TOLLIP: variants seen among roughly 807,000 people sequenced by gnomAD.
TOLLIP encodes the protein toll-interacting protein.
TOLLIP carries 16 observed loss-of-function variants against 33.5 expected under a neutral mutation model. The observed-to-expected ratio is 0.48, with a 90% CI of 0.32 to 0.72. The LOEUF (loss-of-function observed/expected upper bound fraction) is 0.72. Among genes scored for constraint, TOLLIP ranks in the 30% least tolerant of loss-of-function variants. The probability of loss-of-function intolerance (pLI) is 0.03; values close to 1 mark genes in which losing one functional copy is unlikely to be tolerated. For synonymous variants in TOLLIP, 176 were observed against 163.7 expected (o/e 1.07, Z -0.57); for missense variants, 325 against 396.6 (o/e 0.82, Z 1.53).
At chr11:1,301,036 C>G (rs765487474) in intron 1 of TOLLIP, among the ~76,000 whole-genome samples, 2 of 152,254 alleles carry the variant, frequency 1.3e-5, no homozygotes, top group Non-Finnish European at 2.9e-5. Context: ...GTTAGCATAA[C>G]TAAGTCGAAC....
Position 1,290,637 on chromosome 11 carries a change from G to A in TOLLIP, c.184-228C>T, listed in dbSNP as rs1031172101. Among the ~76,000 whole-genome samples the A allele has an allele frequency of 1.3e-5, 2 of 152,130 alleles. No individual in the cohort carries two copies. The highest frequency in any genetic ancestry group is 1.9e-4 in the East Asian group (1 of 5,196). On this transcript the variant is annotated intron_variant, in intron 2 of 5. Transcript: ENST00000317204. The surrounding 1 kb of genome is among the most constrained non-coding windows in gnomAD (Gnocchi z 4.9). ...AGTTCTGAGACAAAGCACGTGGCTC[G>A]TCCTTGACAGCAGAAACCTACGACG...
intron 1 of TOLLIP, 150 bp from the exon 2 acceptor site, chr11:1,295,944 T>A: frequency 9.5e-7 from 1 of 1,055,886 alleles, no homozygotes; most frequent in Non-Finnish European, 1.3e-6. Context: ...TCCTCATCTC[T>A]AAACGGAGGG....
chr11:1,296,046 A>G (rs1046376597), intron 1 of TOLLIP, among the ~76,000 whole-genome samples: 3 of 152,198 alleles, frequency 2.0e-5, no homozygotes, highest in African/African-American at 7.2e-5. Flanking sequence ...TGCCGCTAAA[A>G]ATGGGTTCCT....
Position 1,290,112 on chromosome 11 carries a change from TG to T in TOLLIP, c.366+114del. The T allele has an allele frequency of 9.9e-7, 1 of 1,006,688 alleles. No individual in the cohort carries two copies. Among genetic ancestry groups the T allele is most frequent in the Non-Finnish European group, 1.5e-6 (1 of 674,920 alleles). 62.4% of individuals were successfully genotyped at this position (1,006,688 alleles called of 1,614,324 possible). A position where few individuals can be genotyped will look rare whatever the true frequency, so the allele number is the denominator to read the frequency against. Reference sequence around the variant, plus strand: ...GTCATGCACCCAATGAAACACCAGGTGGGGAGCCACGCCTCGAAGCCAGCCA... The same window carrying T: ...GTCATGCACCCAATGAAACACCAGGTGGGAGCCACGCCTCGAAGCCAGCCA... On this transcript the variant is annotated intron_variant, in intron 3 of 5. Transcript: ENST00000317204. The surrounding 1 kb of genome is among the most constrained non-coding windows in gnomAD (Gnocchi z 4.9).
chr11:1,287,366 A>G (rs1156843906), intron 4 of TOLLIP, among the ~76,000 whole-genome samples: 1 of 150,996 alleles, frequency 6.6e-6, no homozygotes, highest in Non-Finnish European at 1.5e-5. Context: ...AGGAGCCAAG[A>G]TGGCCCAGAA....
chr11:1,288,897 TGCAC>T, intron 3 of TOLLIP, 121 bp from the exon 4 acceptor site: 1 of 1,078,096 alleles, frequency 9.3e-7, no homozygotes, highest in Admixed American at 2.6e-5. Context: ...GGCTCCCACC[TGCAC>T]CAACACCCCA....
intron 5 of TOLLIP, among the ~76,000 whole-genome samples, chr11:1,281,587 G>A (rs577000072): frequency 2.5e-4 from 38 of 152,334 alleles, no homozygotes; most frequent in African/African-American, 8.4e-4. Flanking sequence ...CTGAATGAAC[G>A]AGCGGCTGAA....
chr11:1,289,517 C>T (rs1449922404), intron 3 of TOLLIP, among the ~76,000 whole-genome samples: 5 of 152,252 alleles, frequency 3.3e-5, no homozygotes, highest in African/African-American at 1.2e-4. Context: ...CACGACCATT[C>T]GCACCACCAA....
chr11:1,306,436 C>T (rs931181438), intron 1 of TOLLIP, among the ~76,000 whole-genome samples: 3 of 152,236 alleles, frequency 2.0e-5, no homozygotes, highest in Admixed American at 6.5e-5. Context: ...CAGGGTCTCC[C>T]GAGCCAGAGT....
rs560409021 is a variant in TOLLIP, at chr11:1,284,941, G to A, written c.610+1061C>T. On this transcript the variant is annotated intron_variant, in intron 5 of 5. Coordinates refer to ENST00000317204, the MANE Select transcript of TOLLIP (RefSeq NM_019009.4). Reference sequence around the variant, plus strand: ...TCAGGTGGGTCTAGGGCGAGGTCCCGACTCCCAAGGTGGCCTTTCTGCATC... The same window carrying A: ...TCAGGTGGGTCTAGGGCGAGGTCCCAACTCCCAAGGTGGCCTTTCTGCATC... 2.6e-5 allele frequency among the ~76,000 whole-genome samples: 4 copies of A among 152,266 alleles called. No homozygotes were observed. In the South Asian group the frequency reaches 8.3e-4, roughly 32 times the overall value.
intron 2 of TOLLIP, among the ~76,000 whole-genome samples, chr11:1,294,478 C>A (rs1180587431): frequency 1.5e-5 from 1 of 66,548 alleles, no homozygotes; most frequent in Admixed American, 1.6e-4. Flanking sequence ...TACGAAAGCC[C>A]GCGTGGCTCA....
chr11:1,283,356 T>A, intron 5 of TOLLIP: 1 of 347,506 alleles, frequency 2.9e-6, no homozygotes, highest in Non-Finnish European at 5.6e-6. Flanking sequence ...CCGGCCTGGA[T>A]GCTGCGGACT....
chr11:1,285,783 A>C (rs1399535478), intron 5 of TOLLIP, among the ~76,000 whole-genome samples: 2 of 152,190 alleles, frequency 1.3e-5, no homozygotes, highest in Non-Finnish European at 2.9e-5. Context: ...AAAAAAAAAA[A>C]AAAAACAATT....
intron 1 of TOLLIP, 116 bp from the exon 2 acceptor site, chr11:1,295,910 C>T: frequency 7.6e-7 from 1 of 1,310,280 alleles, no homozygotes; most frequent in Non-Finnish European, 1.0e-6. Context: ...CTTATCAAGT[C>T]CTGGACTGTG....
At position 1,277,256 on chromosome 11, in the gene TOLLIP, G is replaced by A; in HGVS notation, c.611-3C>T. ...GGGGCTACAGACAGCGGGCATCCCTGGAAGCAAAGATCAAGTTTGGTAAAA... is the reference window on the plus strand; with the variant it reads ...GGGGCTACAGACAGCGGGCATCCCTAGAAGCAAAGATCAAGTTTGGTAAAA... On this transcript the variant is annotated splice_region_variant and splice_polypyrimidine_tract_variant and intron_variant, in intron 5 of 5. Coordinates refer to ENST00000317204, the MANE Select transcript of TOLLIP (RefSeq NM_019009.4). This position sits in a 1 kb window ranked among gnomAD's most constrained non-coding sequence, Gnocchi z 4.2. The A allele has an allele frequency of 6.5e-7, 1 of 1,539,412 alleles. No individual in the cohort carries two copies. Among genetic ancestry groups the A allele is most frequent in the Non-Finnish European group, 8.8e-7 (1 of 1,140,210 alleles).
rs1482742876 is a variant in TOLLIP at position 1,278,331 on chromosome 11, A to G, written c.611-1078T>C. 6.6e-6 allele frequency among the ~76,000 whole-genome samples: 1 copy of G among 152,156 alleles called. No individual in the cohort carries two copies. The highest frequency in any genetic ancestry group is 1.5e-5 in the Non-Finnish European group (1 of 68,020). ...CCGTTCATTCACCTTTAAAAGCACG[A>G]ACCATCTCCCAGCTAGGATCACTGG... On this transcript the variant is annotated intron_variant, in intron 5 of 5. Transcript: ENST00000317204. This position sits in a 1 kb window ranked among gnomAD's most constrained non-coding sequence, Gnocchi z 4.7.
intron 2 of TOLLIP, among the ~76,000 whole-genome samples, chr11:1,295,044 CG>C: frequency 7.8e-6 from 1 of 128,508 alleles, no homozygotes; most frequent in African/African-American, 3.0e-5. Flanking sequence ...CGAAAGCCTG[CG>C]TGGCTCACAG....
intron 2 of TOLLIP, among the ~76,000 whole-genome samples, chr11:1,293,351 G>A (rs1163107204): frequency 2.0e-5 from 3 of 152,320 alleles, no homozygotes; most frequent in African/African-American, 2.4e-5. Context: ...CTCAGGCTGG[G>A]GCCAGCACAT....
chr11:1,276,837 A>C lies in TOLLIP; in HGVS notation c.*202T>G. On this transcript the variant is annotated 3_prime_UTR_variant, in exon 6 of 6. Transcript: ENST00000317204. ...ACCTCCCAGCACGAGATGGGAGGGG[A>C]GCCCCCGCCCCGTCCTGGACCGCCA... 6.5e-7 allele frequency: 1 copy of C among 1,531,454 alleles called. No homozygotes were observed. Among genetic ancestry groups the C allele is most frequent in the Non-Finnish European group, 8.7e-7 (1 of 1,144,368 alleles). The allele number at this position is 1,531,454 out of a possible 1,614,324, so 94.9% of individuals were successfully genotyped here. A position where few individuals can be genotyped will look rare whatever the true frequency, so the allele number is the denominator to read the frequency against.
Sources: allele counts gnomAD v4.1 joint callset (sites outside exome capture counted in the v4.1 genomes callset), GRCh38; gene constraint gnomAD v4.1.1; non-coding constraint Gnocchi (gnomAD v3.1); transcripts MANE v1.5; gene names NCBI Gene and HGNC (gene_info 2026-07-23, HGNC 2026-07-21).